The following PCM1 variants were observed in gnomAD, a reference collection of about 807,000 sequenced individuals.
PCM1 encodes the protein pericentriolar material 1 protein.
In PCM1, 157 loss-of-function variants were observed where a neutral mutation model predicts 241.9. That is an observed-to-expected ratio of 0.65 (90% CI 0.57 to 0.74). The LOEUF is 0.74. PCM1 is among the 30% of genes least tolerant of loss of function. The pLI is 0.00. For missense variants in PCM1, 3,478 were observed against 2,360.1 expected (o/e 1.47, Z -9.81); for synonymous variants, 1,085 against 784.9 (o/e 1.38, Z -6.39).
intron 6 of PCM1, among the ~76,000 whole-genome samples, chr8:17,943,053 T>C (rs73580072): frequency 0.022 from 3,326 of 152,080 alleles, 124 homozygotes; most frequent in African/African-American, 0.076. Flanking sequence ...TGCATGTATC[T>C]GTTGGCAGGA....
intron 23 of PCM1, among the ~76,000 whole-genome samples, chr8:17,977,644 T>C (rs141616904): frequency 5.5e-4 from 84 of 152,260 alleles, no homozygotes; most frequent in African/African-American, 1.9e-3. Context: ...AGCAGTGTTT[T>C]GCTACTGCAA....
chr8:17,992,445 C>A (rs559855584), intron 28 of PCM1, among the ~76,000 whole-genome samples: 10 of 152,026 alleles, frequency 6.6e-5, no homozygotes, highest in African/African-American at 2.4e-4. Flanking sequence ...GCCATTCTTG[C>A]AGGAGTAGGA....
At position 17,963,158 on chromosome 8, in the gene PCM1, A is replaced by C; in HGVS notation, c.2521A>C (p.Lys841Gln). 1 of 1,613,644 alleles carries C rather than the reference A, an allele frequency of 6.2e-7. No homozygotes were observed. The highest frequency in any genetic ancestry group is 8.5e-7 in the Non-Finnish European group (1 of 1,179,688). Residue 841 changes from lysine (K) to glutamine (Q), a missense_variant, in exon 17 of 39, where the codon AAG becomes CAG. Lys to Gln is a moderately conservative substitution (Grantham distance 53). Coordinates refer to ENST00000325083, the MANE Select transcript of PCM1 (RefSeq NM_006197.4). Reference sequence around the variant, plus strand: ...GAGGGAGGAGCTGCGACAGAGAAGAAAGCAGCTTGAAGCTCTGATGGCTGA... The same window carrying C: ...GAGGGAGGAGCTGCGACAGAGAAGACAGCAGCTTGAAGCTCTGATGGCTGA... ...MLREELRQRR[K>Q]QLEALMAEHQ...
chr8:17,972,539 T>G lies in PCM1; in HGVS notation c.3795T>G (p.Pro1265=). ...CACTGGAAAGCTTTAGCAGTATGCC[T>G]GATCCAGTAGATCCAACAACAGTGA... is the stretch of plus-strand genomic sequence containing the variant. ...EESLESFSSM[P]DPVDPTTVTK... is the part of the protein sequence containing the mutation. The change falls in exon 23 of 39, where the codon CCT becomes CCG. Residue 1265 remains proline (P), a synonymous_variant. Transcript: ENST00000325083. 2 of 1,613,876 alleles carry G rather than the reference T, an allele frequency of 1.2e-6. No homozygotes were observed. Among genetic ancestry groups the G allele is most frequent in the Non-Finnish European group, 1.7e-6 (2 of 1,179,774 alleles).
In PCM1 at chr8:18,014,644, C is replaced by G. The variant is rs765306990; in HGVS notation, c.5645C>G (p.Pro1882Arg). ...CYLNILEDEQ[P>R]LNSAAHKESP... is the part of the protein sequence containing the mutation. ...CTCAATATCTTGGAAGATGAGCAAC[C>G]TTTAAATAGTGCTGCCCATAAGGAG... The change falls in exon 36 of 39, where the codon CCT (proline) becomes CGT (arginine). Residue 1882 changes from proline to arginine, a missense_variant. By Grantham distance (103) the Pro-to-Arg change is moderately radical (BLOSUM62 -2). Coordinates refer to ENST00000325083, the MANE Select transcript of PCM1 (RefSeq NM_006197.4). 6.2e-7 allele frequency: 1 copy of G among 1,613,474 alleles called. No individual in the cohort carries two copies. Among genetic ancestry groups the G allele is most frequent in the Non-Finnish European group, 8.5e-7 (1 of 1,179,544 alleles).
chr8:18,020,042 C>T (rs1463962623), intron 36 of PCM1, among the ~76,000 whole-genome samples: 6 of 152,188 alleles, frequency 3.9e-5, no homozygotes, highest in African/African-American at 1.4e-4. Flanking sequence ...AGAAAAATCT[C>T]TGTCCCAGAG....
intron 29 of PCM1, among the ~76,000 whole-genome samples, chr8:17,997,431 T>C (rs560371640): frequency 6.6e-6 from 1 of 152,186 alleles, no homozygotes; most frequent in Non-Finnish European, 1.5e-5. Flanking sequence ...GTTGTTAAGC[T>C]TACTACCTCT....
intron 29 of PCM1, among the ~76,000 whole-genome samples, chr8:17,997,805 A>G (rs886186664): frequency 9.9e-5 from 15 of 151,186 alleles, no homozygotes; most frequent in East Asian, 9.8e-4. Context: ...GCGGGTGATC[A>G]CTTGAGGTCA....
chr8:18,008,134 G>C (rs1457072129), intron 30 of PCM1, among the ~76,000 whole-genome samples: 1 of 152,100 alleles, frequency 6.6e-6, no homozygotes, highest in African/African-American at 2.4e-5. Context: ...CCCCAGGCTG[G>C]TGAGCAGCAG....
At chr8:17,994,670 G>T (rs1404475187) in intron 29 of PCM1, among the ~76,000 whole-genome samples, 1 of 152,192 alleles carries the variant, frequency 6.6e-6, no homozygotes, top group East Asian at 1.9e-4. Flanking sequence ...GTGTATGAAA[G>T]TTCCCTTTTC....
chr8:17,985,999 G>A lies in PCM1; in HGVS notation c.4322G>A (p.Gly1441Glu). 5 of 1,589,338 alleles carry A rather than the reference G, an allele frequency of 3.1e-6. No individual in the cohort carries two copies. The South Asian group carries it at 5.7e-5, about 18-fold the overall frequency. Reference protein sequence around the residue: ...SRHISESHEKGENVKSVNSGT... With the variant: ...SRHISESHEKEENVKSVNSGT... The stretch of plus-strand genomic sequence containing the variant: ...CATATTTCTGAGAGCCATGAAAAAG[G>A]AGAAAATGTAAAGTCAGTAAACTCT... Residue 1441 changes from glycine (G) to glutamate (E), a missense_variant, in exon 26 of 39, where the codon GGA (glycine) becomes GAA (glutamate). Gly to Glu is a moderately conservative substitution (Grantham distance 98, BLOSUM62 -2). Coordinates refer to ENST00000325083, the MANE Select transcript of PCM1 (RefSeq NM_006197.4).
chr8:17,930,126 C>T (rs1057030806), intron 2 of PCM1, among the ~76,000 whole-genome samples: 68 of 128,102 alleles, frequency 5.3e-4, no homozygotes, highest in African/African-American at 2.0e-3. Flanking sequence ...TTTTTTGAGA[C>T]AGAGTCTCGC....
At chr8:17,967,275 A>G (rs2075225226) in intron 21 of PCM1, 105 bp downstream of exon 21, 1 of 757,192 alleles carries the variant, frequency 1.3e-6, no homozygotes, top group African/African-American at 1.8e-5. Flanking sequence ...GGAGTGGGGT[A>G]GGAAATGTTT....
At chr8:17,940,992 C>A (rs1051721722) in intron 6 of PCM1, among the ~76,000 whole-genome samples, 4 of 152,034 alleles carry the variant, frequency 2.6e-5, no homozygotes, top group African/African-American at 9.7e-5. Flanking sequence ...GGTTTGTTTC[C>A]TATTAGTATT....
chr8:17,931,876 A>G (rs1240573016), intron 2 of PCM1, among the ~76,000 whole-genome samples: 2 of 152,174 alleles, frequency 1.3e-5, no homozygotes, highest in South Asian at 2.1e-4. Flanking sequence ...AAGTTTTAAA[A>G]TATATTTCTA....
rs1354040324 is a variant in PCM1 at position 18,018,846 on chromosome 8, GTGTGTGTATATATATATATATATATA to G, written c.5841+4008_5841+4033del. Among the ~76,000 whole-genome samples, 315 of 60,014 alleles carry G rather than the reference GTGTGTGTATATATATATATATATATA, an allele frequency of 5.2e-3. 12 individuals are homozygous for G. The highest frequency in any genetic ancestry group is 0.012 in the Middle Eastern group (1 of 82). 39.4% of individuals were successfully genotyped at this position (60,014 alleles called of 152,430 possible). On this transcript the variant is annotated intron_variant, in intron 36 of 38. Coordinates refer to ENST00000325083, the MANE Select transcript of PCM1 (RefSeq NM_006197.4). ...AATATGTATATATATATATGTGTGT[GTGTGTGTATATATATATATATATATA>G]TATATATACACACACATATACATAC...
intron 7 of PCM1, among the ~76,000 whole-genome samples, chr8:17,950,187 A>G (rs748112491): frequency 1.3e-5 from 2 of 152,174 alleles, no homozygotes; most frequent in Non-Finnish European, 1.5e-5. Context: ...TACTATTTCA[A>G]CCTTTAAGCA....
At chr8:18,020,840 G>C (rs1037716757) in intron 36 of PCM1, among the ~76,000 whole-genome samples, 2 of 152,144 alleles carry the variant, frequency 1.3e-5, no homozygotes, top group South Asian at 4.1e-4. Context: ...TTGGAATGTT[G>C]TGGAAACAAA....
intron 36 of PCM1, among the ~76,000 whole-genome samples, chr8:18,015,542 G>A (rs769620721): frequency 7.9e-5 from 12 of 152,042 alleles, no homozygotes; most frequent in Non-Finnish European, 1.8e-4. Flanking sequence ...TTTTGTAATT[G>A]CAAACCAAGC....
Sources: allele counts gnomAD v4.1 joint callset (sites outside exome capture counted in the v4.1 genomes callset), GRCh38; gene constraint gnomAD v4.1.1; transcripts MANE v1.5; gene names NCBI Gene and HGNC (gene_info 2026-07-23, HGNC 2026-07-21).